The following CELF2 variants were observed in gnomAD, a reference collection of about 807,000 sequenced individuals.
CELF2 encodes CUGBP Elav-like family member 2, also known as CUG triplet repeat RNA-binding protein 2.
CELF2 carries 8 observed loss-of-function variants against 62.6 expected under a neutral mutation model. The observed-to-expected ratio is 0.13, with a 90% CI of 0.07 to 0.23. The LOEUF is 0.23. Ranked by LOEUF, CELF2 falls within the 10% of genes least tolerant of loss-of-function variation. The pLI is 1.00. For synonymous variants in CELF2, 258 were observed against 250.0 expected (o/e 1.03, Z -0.30); for missense variants, 333 against 671.0 (o/e 0.50, Z 5.56).
chr10:11,154,439 T>C (rs1222198158), intron 1 of CELF2, among the ~76,000 whole-genome samples: 2 of 152,224 alleles, frequency 1.3e-5, no homozygotes, highest in Non-Finnish European at 2.9e-5. Flanking sequence ...TTTTGAGATG[T>C]GGTTTTGTAG....
intron 10 of CELF2, chr10:11,317,970 C>G (rs928603561): frequency 6.6e-6 from 1 of 152,218 alleles, no homozygotes; most frequent in Non-Finnish European, 1.5e-5. Context: ...TCCAGTGGAC[C>G]ATTTCAAGGA....
At chr10:10,514,115 C>T in the CELF2 span, among the ~76,000 whole-genome samples, 6 of 152,320 alleles carry the variant, frequency 3.9e-5, no homozygotes, top group South Asian at 6.2e-4. Context: ...GCACACAGAA[C>T]TCCTGGGAGC....
At chr10:10,831,369 C>T (rs564776115) in intron 1 of CELF2, among the ~76,000 whole-genome samples, 64 of 152,336 alleles carry the variant, frequency 4.2e-4, no homozygotes, top group African/African-American at 1.4e-3. Flanking sequence ...CGAAGCCACG[C>T]TGCCCTTCCT....
chr10:10,671,738 T>A, the CELF2 span, among the ~76,000 whole-genome samples: 2 of 152,144 alleles, frequency 1.3e-5, no homozygotes, highest in South Asian at 4.1e-4. Flanking sequence ...GTCTTTTTTT[T>A]TTTTTAATTG....
chr10:11,025,239 G>GTGTGTGTGTGTA (rs61580670), intron 1 of CELF2, among the ~76,000 whole-genome samples: 64 of 141,088 alleles, frequency 4.5e-4, no homozygotes, highest in Admixed American at 2.1e-3. Context: ...GTGTGTGTGT[G>GTGTGTGTGTGTA]TATATGTATG....
chr10:11,180,653 C>G (rs1346910850), intron 2 of CELF2, among the ~76,000 whole-genome samples: 2 of 152,116 alleles, frequency 1.3e-5, no homozygotes, highest in African/African-American at 2.4e-5. Flanking sequence ...GTAGTATTGA[C>G]AATAAGAATA....
intron 1 of CELF2, among the ~76,000 whole-genome samples, chr10:10,903,930 C>T (rs906608282): frequency 1.3e-5 from 2 of 152,150 alleles, no homozygotes; most frequent in African/African-American, 4.8e-5. Context: ...TGTGGCTGGA[C>T]CTGGCCAGGC....
At chr10:10,955,255 T>C (rs2048768425) in intron 2 of CELF2, among the ~76,000 whole-genome samples, 1 of 152,234 alleles carries the variant, frequency 6.6e-6, no homozygotes, top group Admixed American at 6.5e-5. Context: ...TGAACTCATG[T>C]CTTTCTGGAA....
At chr10:11,256,208 C>T (rs962785087) in intron 4 of CELF2, among the ~76,000 whole-genome samples, 2 of 152,176 alleles carry the variant, frequency 1.3e-5, no homozygotes, top group Non-Finnish European at 2.9e-5. Flanking sequence ...CTTCCTCAAT[C>T]ACACCAGTCC....
chr10:10,551,950 C>CCT, the CELF2 span, among the ~76,000 whole-genome samples: 1 of 151,720 alleles, frequency 6.6e-6, no homozygotes, highest in African/African-American at 2.4e-5. Flanking sequence ...TTTCAGGGTG[C>CCT]TTTTTTTTCT....
At chr10:10,930,510 T>G (rs2065951223) in intron 2 of CELF2, among the ~76,000 whole-genome samples, 1 of 152,362 alleles carries the variant, frequency 6.6e-6, no homozygotes, top group East Asian at 1.9e-4. Flanking sequence ...TATTTGTGCA[T>G]GAGAGCTTTT....
rs1432319813 is a variant in CELF2 at position 11,285,350 on chromosome 10, T to C, written c.842-3068T>C. On this transcript the variant is annotated intron_variant, in intron 8 of 12. Transcript: ENST00000633077. This position sits in a 1 kb window ranked among gnomAD's most constrained non-coding sequence, Gnocchi z 4.3. ...TCTGGCTGTTGAGCAGTGTTAGCTA[T>C]GCCCCCGTGTGGTGCCTCAGAGACT... 1.3e-5 allele frequency among the ~76,000 whole-genome samples: 2 copies of C among 152,160 alleles called. No individual in the cohort carries two copies. The highest frequency in any genetic ancestry group is 6.5e-5 in the Admixed American group (1 of 15,284).
At chr10:10,561,515 C>T in the CELF2 span, among the ~76,000 whole-genome samples, 3 of 152,116 alleles carry the variant, frequency 2.0e-5, no homozygotes, top group Non-Finnish European at 2.9e-5. Flanking sequence ...GAGTGATCTT[C>T]AATAAACAAG....
chr10:10,646,657 G>C, the CELF2 span, among the ~76,000 whole-genome samples: 3 of 152,152 alleles, frequency 2.0e-5, no homozygotes, highest in African/African-American at 7.2e-5. Flanking sequence ...ATTACTTCCT[G>C]AGTTTTGTTT....
Position 11,165,717 on chromosome 10 carries a change from A to G in CELF2, c.271+35A>G. On this transcript the variant is annotated intron_variant, in intron 2 of 12. Coordinates refer to ENST00000633077, the MANE Select transcript of CELF2 (RefSeq NM_001326342.2). This position sits in a 1 kb window ranked among gnomAD's most constrained non-coding sequence, Gnocchi z 7.4. ...GCGGGGCGGGGGTCGCCAGGCGTCC[A>G]GGTGGGCGTCGCGGGGCACTGGGGC... The G allele has an allele frequency of 6.3e-7, 1 of 1,576,698 alleles. No homozygotes were observed. The highest frequency in any genetic ancestry group is 1.1e-5 in the South Asian group (1 of 88,440).
intron 1 of CELF2, among the ~76,000 whole-genome samples, chr10:11,132,680 G>A (rs546183824): frequency 4.6e-5 from 7 of 152,168 alleles, no homozygotes; most frequent in South Asian, 2.1e-4. Context: ...TCACTCCACC[G>A]GCAAAAGACT....
chr10:10,986,388 C>G (rs1171500008), intron 2 of CELF2, among the ~76,000 whole-genome samples: 1 of 152,098 alleles, frequency 6.6e-6, no homozygotes, highest in Non-Finnish European at 1.5e-5. Flanking sequence ...AGAATTATCT[C>G]CTTTACTACA....
chr10:11,032,041 A>C (rs1027621018), intron 1 of CELF2, among the ~76,000 whole-genome samples: 2 of 151,298 alleles, frequency 1.3e-5, no homozygotes, highest in African/African-American at 4.8e-5. Context: ...ATGATAGGCA[A>C]AGTTGAGAAA....
At position 11,246,627 on chromosome 10, in the gene CELF2, C is replaced by T. The variant is rs1163281974; in HGVS notation, c.355-2526C>T. Among the ~76,000 whole-genome samples the T allele has an allele frequency of 6.6e-6, 1 of 152,082 alleles. No individual in the cohort carries two copies. The highest frequency in any genetic ancestry group is 1.5e-5 in the Non-Finnish European group (1 of 68,024). The stretch of plus-strand genomic sequence containing the variant: ...GCCTGATTCTCCCTCATTCTGGAAA[C>T]TCCTCTCCTCTCATGGCTCCCATGG... On this transcript the variant is annotated intron_variant, in intron 3 of 12. Transcript: ENST00000633077. The surrounding 1 kb of genome is among the most constrained non-coding windows in gnomAD (Gnocchi z 4.6).
Sources: allele counts gnomAD v4.1 joint callset (sites outside exome capture counted in the v4.1 genomes callset), GRCh38; gene constraint gnomAD v4.1.1; non-coding constraint Gnocchi (gnomAD v3.1); transcripts MANE v1.5; gene names NCBI Gene and HGNC (gene_info 2026-07-23, HGNC 2026-07-21).